FSTL4: variants seen among roughly 807,000 people sequenced by gnomAD.
FSTL4 encodes follistatin-related protein 4.
In FSTL4, 28 loss-of-function variants were observed where a neutral mutation model predicts 78.2. That is an observed-to-expected ratio of 0.36 (90% CI 0.27 to 0.49). The LOEUF is 0.49. Among genes scored for constraint, FSTL4 ranks in the 20% least tolerant of loss-of-function variants. The pLI, the probability that FSTL4 is intolerant of heterozygous loss-of-function variation, is 0.98. For synonymous variants in FSTL4, 422 were observed against 440.5 expected, an observed-to-expected ratio of 0.96 and a Z score of 0.53; for missense variants, 922 against 1,084.9, an observed-to-expected ratio of 0.85 and a Z score of 2.11.
chr5:133,272,482 A>G (rs944833544), intron 6 of FSTL4, among the ~76,000 whole-genome samples: 4 of 152,248 alleles, frequency 2.6e-5, no homozygotes, highest in African/African-American at 9.6e-5. Flanking sequence ...CCCACAACTG[A>G]TTAATATACA....
At chr5:133,221,674 C>T (rs527335131) in intron 11 of FSTL4, among the ~76,000 whole-genome samples, 1 of 152,210 alleles carries the variant, frequency 6.6e-6, no homozygotes, top group South Asian at 2.1e-4. Context: ...TGCATTCTGG[C>T]CTCTGTCCCT....
the FSTL4 span, among the ~76,000 whole-genome samples, chr5:133,731,980 ATCATCTGATAAATGCCCAC>A: frequency 2.0e-5 from 3 of 152,160 alleles, no homozygotes. Flanking sequence ...CAGCTCAGGC[ATCATCTGATAAATGCCCAC>A]TCCCTCCAGC....
intron 4 of FSTL4, among the ~76,000 whole-genome samples, chr5:133,375,044 C>T (rs74846419): frequency 0.012 from 1,782 of 151,864 alleles, 16 homozygotes; most frequent in Non-Finnish European, 0.02. Flanking sequence ...ATCAAATTCA[C>T]GTCAGCCATC....
At chr5:133,421,160 G>A (rs1363390053) in intron 3 of FSTL4, among the ~76,000 whole-genome samples, 1 of 152,234 alleles carries the variant, frequency 6.6e-6, no homozygotes, top group Non-Finnish European at 1.5e-5. Context: ...CAATGGTTGG[G>A]CCCACACCAC....
intron 3 of FSTL4, among the ~76,000 whole-genome samples, chr5:133,463,047 G>C (rs1757629199): frequency 6.6e-6 from 1 of 152,140 alleles, no homozygotes. Context: ...GTCTCTTCTA[G>C]GTCTCAGGGA....
chr5:133,672,742 T>C, the FSTL4 span, among the ~76,000 whole-genome samples: 2 of 152,118 alleles, frequency 1.3e-5, no homozygotes, highest in Admixed American at 1.3e-4. Flanking sequence ...TGCAGGGCTG[T>C]GAAGAGAGCT....
At chr5:133,373,322 G>A (rs966348887) in intron 4 of FSTL4, among the ~76,000 whole-genome samples, 1 of 152,202 alleles carries the variant, frequency 6.6e-6, no homozygotes, top group African/African-American at 2.4e-5. Context: ...TGATGCAGGA[G>A]GTGGGCGGTC....
chr5:133,667,724 C>G, the FSTL4 span, among the ~76,000 whole-genome samples: 1 of 152,258 alleles, frequency 6.6e-6, no homozygotes, highest in Non-Finnish European at 1.5e-5. Flanking sequence ...AGCCTGCCCT[C>G]CCATCCCTGC....
At chr5:133,716,750 G>C in the FSTL4 span, among the ~76,000 whole-genome samples, 1 of 152,172 alleles carries the variant, frequency 6.6e-6, no homozygotes, top group African/African-American at 2.4e-5. Context: ...TAGGCATCGG[G>C]AACACAGGAG....
intron 3 of FSTL4, among the ~76,000 whole-genome samples, chr5:133,477,729 C>G (rs1039533353): frequency 1.3e-5 from 2 of 152,154 alleles, no homozygotes; most frequent in African/African-American, 2.4e-5. Flanking sequence ...TTGGTTTGGG[C>G]GGCAACTTTT....
At chr5:133,490,446 A>G (rs1758244785) in intron 3 of FSTL4, among the ~76,000 whole-genome samples, 1 of 151,204 alleles carries the variant, frequency 6.6e-6, no homozygotes, top group Non-Finnish European at 1.5e-5. Context: ...CTATTAAGGC[A>G]CGCTCTTTTC....
chr5:133,213,410 G>A (rs1307811254), intron 13 of FSTL4, among the ~76,000 whole-genome samples: 1 of 152,172 alleles, frequency 6.6e-6, no homozygotes, highest in Non-Finnish European at 1.5e-5. Context: ...GGAATTAATG[G>A]CAAATGTGTG....
chr5:133,634,898 A>G, the FSTL4 span, among the ~76,000 whole-genome samples: 1 of 152,200 alleles, frequency 6.6e-6, no homozygotes. Context: ...ATTCAGACAC[A>G]ATATGGATTG....
At chr5:133,671,818 C>A in the FSTL4 span, among the ~76,000 whole-genome samples, 2 of 152,260 alleles carry the variant, frequency 1.3e-5, no homozygotes, top group Non-Finnish European at 2.9e-5. Flanking sequence ...GGAAGAGGAA[C>A]AGGCTATGAC....
intron 3 of FSTL4, among the ~76,000 whole-genome samples, chr5:133,442,343 G>A (rs1265241971): frequency 6.6e-6 from 1 of 152,162 alleles, no homozygotes; most frequent in African/African-American, 2.4e-5. Flanking sequence ...TCTCTTTGTT[G>A]CTAATTGTAT....
intron 3 of FSTL4, among the ~76,000 whole-genome samples, chr5:133,513,568 A>G (rs1409216992): frequency 2.0e-5 from 3 of 152,218 alleles, no homozygotes; most frequent in African/African-American, 7.2e-5. Flanking sequence ...AATTCTTCCA[A>G]TTCCAATTCT....
chr5:133,464,595 C>G (rs1757663808), intron 3 of FSTL4, among the ~76,000 whole-genome samples: 1 of 152,214 alleles, frequency 6.6e-6, no homozygotes, highest in African/African-American at 2.4e-5. Context: ...GCTTCCAGCA[C>G]TGAGCTCATA....
At chr5:133,725,490 C>T in the FSTL4 span, among the ~76,000 whole-genome samples, 1 of 152,224 alleles carries the variant, frequency 6.6e-6, no homozygotes, top group Non-Finnish European at 1.5e-5. Context: ...TTCAGATACA[C>T]ATGCCACGCA....
At chr5:133,818,333 G>T in the FSTL4 span, among the ~76,000 whole-genome samples, 1 of 152,174 alleles carries the variant, frequency 6.6e-6, no homozygotes, top group South Asian at 2.1e-4. Flanking sequence ...CCATCACAGA[G>T]CCCAGCTGCA....
Sources: gnomAD v4.1 joint callset for allele counts (sites outside exome capture counted in the v4.1 genomes callset) on GRCh38, gnomAD v4.1.1 for gene constraint, MANE v1.5 for transcripts, NCBI Gene and HGNC (gene_info 2026-07-23, HGNC 2026-07-21) for gene names.